Variants in ABCC8 observed in about 807,000 individuals in gnomAD.
The protein encoded by ABCC8 is ATP-binding cassette sub-family C member 8.
In ABCC8, 137 loss-of-function variants were observed where a neutral mutation model predicts 188.0. The observed-to-expected ratio is 0.73, with a 90% CI of 0.63 to 0.84. ABCC8 has a LOEUF of 0.84. ABCC8 is among the 40% of genes least tolerant of loss of function. The pLI is 0.00. For missense variants in ABCC8, 1,750 were observed against 2,072.7 expected (o/e 0.84, Z 3.02); for synonymous variants, 797 against 846.5 (o/e 0.94, Z 1.01).
chr11:17,424,268 G>A (rs1001939759), intron 16 of ABCC8, among the ~76,000 whole-genome samples: 5 of 152,090 alleles, frequency 3.3e-5, no homozygotes, highest in African/African-American at 7.2e-5. Flanking sequence ...CATGGCACAT[G>A]TATAGCTATG....
intron 29 of ABCC8, 83 bp downstream of exon 29, chr11:17,402,578 G>T (rs543689921): frequency 1.1e-5 from 18 of 1,612,938 alleles, no homozygotes; most frequent in Admixed American, 1.7e-5. Context: ...CCCAAGTGGA[G>T]TCCTGAGAAT....
chr11:17,418,837 C>T (rs1285847291), intron 16 of ABCC8, among the ~76,000 whole-genome samples: 1 of 152,180 alleles, frequency 6.6e-6, no homozygotes, highest in Non-Finnish European at 1.5e-5. Flanking sequence ...GTGCTTAGCA[C>T]ATGACAGAGC....
chr11:17,395,055 C>T lies in ABCC8; in HGVS notation c.4411+117G>A, dbSNP rs1953836580. 2.2e-6 allele frequency: 3 copies of T among 1,335,528 alleles called. No homozygotes were observed. The South Asian group carries it at 3.8e-5, about 17-fold the overall frequency. The allele number at this position is 1,335,528 out of a possible 1,614,324, so 82.7% of individuals were successfully genotyped here. A position where few individuals can be genotyped will look rare whatever the true frequency, so the allele number is the denominator to read the frequency against. ...ATAGTGAGAAGTAGGACTAAATGGT[C>T]CTGCCAGGCTTCAGACTCCAAACTT... On this transcript the variant is annotated intron_variant, in intron 36 of 38. Coordinates refer to ENST00000389817, the MANE Select transcript of ABCC8 (RefSeq NM_000352.6).
At chr11:17,436,076 C>A in intron 10 of ABCC8, 1 of 924,552 alleles carries the variant, frequency 1.1e-6, no homozygotes, top group Non-Finnish European at 1.8e-6. Context: ...TCCATCTCTT[C>A]TTTGGCTGTG....
chr11:17,435,045 A>G (rs890995684), intron 10 of ABCC8, among the ~76,000 whole-genome samples: 22 of 151,840 alleles, frequency 1.4e-4, no homozygotes, highest in African/African-American at 5.3e-4. Context: ...ATAACCTTTA[A>G]TATGTTCAAT....
At chr11:17,416,136 C>G (rs1286952010) in intron 17 of ABCC8, among the ~76,000 whole-genome samples, 1 of 152,122 alleles carries the variant, frequency 6.6e-6, no homozygotes, top group African/African-American at 2.4e-5. Context: ...CAAAGTGAAG[C>G]CTCTTTGGTG....
intron 16 of ABCC8, among the ~76,000 whole-genome samples, chr11:17,422,666 C>T (rs866443162): frequency 1.1e-4 from 17 of 152,132 alleles, no homozygotes; most frequent in African/African-American, 2.7e-4. Context: ...TCCCTTCCTA[C>T]AGTCTGTCTG....
rs564068536 is a variant in ABCC8 at position 17,415,189 on chromosome 11, C to A, written c.2291+115G>T. 3.6e-5 allele frequency: 53 copies of A among 1,469,966 alleles called. No homozygotes were observed. The African/African-American group carries it at 5.7e-4, about 16-fold the overall frequency. 91.1% of individuals were successfully genotyped at this position (1,469,966 alleles called of 1,614,324 possible). Reference sequence around the variant, plus strand: ...GCACAGGGGCCCTCCCTGGCCTCCCCCAACACTGGGGCTGGGGTCTGGGGG... The same window carrying A: ...GCACAGGGGCCCTCCCTGGCCTCCCACAACACTGGGGCTGGGGTCTGGGGG... On this transcript the variant is annotated intron_variant, in intron 18 of 38. Transcript: ENST00000389817.
At chr11:17,405,976 G>A (rs1331800830) in intron 26 of ABCC8, among the ~76,000 whole-genome samples, 1 of 152,230 alleles carries the variant, frequency 6.6e-6, no homozygotes, top group Non-Finnish European at 1.5e-5. Flanking sequence ...GGGGCAAATA[G>A]AGAGTAAAAG....
At position 17,432,472 on chromosome 11, in the gene ABCC8, T is replaced by G. The variant is rs1361197255; in HGVS notation, c.1631-228A>C. 2.9e-5 allele frequency: 24 copies of G among 839,582 alleles called. No homozygotes were observed. In the East Asian group the frequency reaches 6.7e-4, roughly 23 times the overall value. The allele number at this position is 839,582 out of a possible 1,614,324, so 52.0% of individuals were successfully genotyped here. A position where few individuals can be genotyped will look rare whatever the true frequency, so the allele number is the denominator to read the frequency against. On this transcript the variant is annotated intron_variant, in intron 10 of 38. Transcript: ENST00000389817. ...CGGCCCCCGACTCTGGGGCTTAAAC[T>G]GTTAAGTCACTCCGTGTGGACAGGG...
chr11:17,476,154 G>T (rs1848758856), intron 1 of ABCC8, among the ~76,000 whole-genome samples: 1 of 152,164 alleles, frequency 6.6e-6, no homozygotes, highest in Admixed American at 6.5e-5. Flanking sequence ...CCCGGTGAAA[G>T]CATAGGGGTT....
chr11:17,466,398 C>CAAA (rs747797902), intron 3 of ABCC8, among the ~76,000 whole-genome samples: 76 of 49,818 alleles, frequency 1.5e-3, no homozygotes, highest in African/African-American at 4.4e-3. Context: ...GACTCCATCT[C>CAAA]AAAAAAAAAA....
chr11:17,460,303 G>A (rs762281849), intron 6 of ABCC8, among the ~76,000 whole-genome samples, 185 bp downstream of exon 6: 14 of 152,200 alleles, frequency 9.2e-5, no homozygotes, highest in Non-Finnish European at 1.6e-4. Context: ...GCATAGGCTC[G>A]CCCTCTGGCA....
chr11:17,393,152 G>A (rs756617082), intron 38 of ABCC8, 24 bp from the exon 39 acceptor site: 16 of 1,611,980 alleles, frequency 9.9e-6, no homozygotes, highest in Non-Finnish European at 1.4e-5. Flanking sequence ...GAGGGGGCGG[G>A]TCAGGATGGT....
intron 6 of ABCC8, among the ~76,000 whole-genome samples, chr11:17,455,183 G>A (rs1956947965): frequency 6.6e-6 from 1 of 152,156 alleles, no homozygotes; most frequent in Non-Finnish European, 1.5e-5. Flanking sequence ...TCCAACCACA[G>A]GGAATGGTTA....
Position 17,405,054 on chromosome 11 carries a change from T to A in ABCC8, c.3400-385A>T, listed in dbSNP as rs115992619. Among the ~76,000 whole-genome samples, 156 of 152,304 alleles carry A rather than the reference T, an allele frequency of 1.0e-3. 1 individual carries two copies. The highest frequency in any genetic ancestry group is 3.5e-3 in the African/African-American group (147 of 41,570). On this transcript the variant is annotated intron_variant, in intron 27 of 38. Transcript: ENST00000389817. ...TGCTGGGGTTACAGGAGTGAGCCAC[T>A]GAGCCCGGCCTTGCTCTCCCTTTAT...
At chr11:17,416,847 A>T (rs1955099856) in intron 17 of ABCC8, 83 bp downstream of exon 17, 6 of 1,562,494 alleles carry the variant, frequency 3.8e-6, no homozygotes, top group Middle Eastern at 1.7e-4. Context: ...CATACTCAGC[A>T]TTACCCACCC....
chr11:17,410,564 T>C lies in ABCC8; in HGVS notation c.2646A>G (p.Thr882=), dbSNP rs2133461092. Residue 882 remains threonine, a synonymous_variant, in exon 22 of 39, where the codon ACA becomes ACG. Coordinates refer to ENST00000389817, the MANE Select transcript of ABCC8 (RefSeq NM_000352.6). ...GTAGCTTGTGGGTCACTAAGACCACTGTCCTCTTGTCGTCCCGGAGCAGCT... is the reference window on the plus strand; with the variant it reads ...GTAGCTTGTGGGTCACTAAGACCACCGTCCTCTTGTCGTCCCGGAGCAGCT... ...ILELLRDDKR[T]VVLVTHKLQY... 6.2e-7 allele frequency: 1 copy of C among 1,614,172 alleles called. No individual in the cohort carries two copies. Among genetic ancestry groups the C allele is most frequent in the Non-Finnish European group, 8.5e-7 (1 of 1,180,016 alleles).
chr11:17,460,430 T>A (rs1002584439), intron 6 of ABCC8, 58 bp downstream of exon 6: 2 of 1,612,030 alleles, frequency 1.2e-6, no homozygotes, highest in African/African-American at 2.7e-5. Context: ...TGTTGCACTC[T>A]CAGAAACAAC....
Sources: gnomAD v4.1 joint callset for allele counts (sites outside exome capture counted in the v4.1 genomes callset) on GRCh38, gnomAD v4.1.1 for gene constraint, MANE v1.5 for transcripts, NCBI Gene and HGNC (gene_info 2026-07-23, HGNC 2026-07-21) for gene names.